OR9Q1: variants seen among roughly 807,000 people sequenced by gnomAD.
OR9Q1 encodes olfactory receptor family 9 subfamily Q member 1.
For synonymous variants in OR9Q1, 153 were observed against 148.6 expected, an observed-to-expected ratio of 1.03 and a Z score of -0.22; for missense variants, 374 against 378.8, an observed-to-expected ratio of 0.99 and a Z score of 0.11.
chr11:58,157,926 T>A (rs1854422972), intron 2 of OR9Q1, among the ~76,000 whole-genome samples: 1 of 152,254 alleles, frequency 6.6e-6, no homozygotes, highest in Admixed American at 6.5e-5. Context: ...CACTCCTTAT[T>A]TGACACCTTC....
intron 1 of OR9Q1, among the ~76,000 whole-genome samples, chr11:58,032,940 G>A (rs917992646): frequency 2.6e-5 from 4 of 152,282 alleles, no homozygotes; most frequent in Non-Finnish European, 2.9e-5. Context: ...TAAAAAGTGG[G>A]TAGAGGACAT....
intron 2 of OR9Q1, among the ~76,000 whole-genome samples, chr11:58,127,219 G>A (rs1335633256): frequency 2.0e-5 from 3 of 152,080 alleles, no homozygotes; most frequent in Non-Finnish European, 4.4e-5. Context: ...AGAAGTGCTG[G>A]GATTACAGGC....
chr11:58,146,973 A>T (rs1854304863), intron 2 of OR9Q1, among the ~76,000 whole-genome samples: 1 of 152,136 alleles, frequency 6.6e-6, no homozygotes, highest in South Asian at 2.1e-4. Flanking sequence ...ATCAGATACG[A>T]ATTTTTAAAA....
At chr11:58,111,224 C>T (rs1853896236) in intron 2 of OR9Q1, among the ~76,000 whole-genome samples, 1 of 152,108 alleles carries the variant, frequency 6.6e-6, no homozygotes, top group Non-Finnish European at 1.5e-5. Flanking sequence ...CTCCTTTAGC[C>T]TAATGGAGGT....
chr11:58,123,728 T>C (rs978828351), intron 2 of OR9Q1, among the ~76,000 whole-genome samples: 1 of 152,196 alleles, frequency 6.6e-6, no homozygotes, highest in Non-Finnish European at 1.5e-5. Flanking sequence ...TATCATGTTC[T>C]CTTTTTAGGG....
intron 2 of OR9Q1, among the ~76,000 whole-genome samples, chr11:58,100,675 T>C (rs1241760308): frequency 6.6e-6 from 1 of 152,186 alleles, no homozygotes; most frequent in Non-Finnish European, 1.5e-5. Flanking sequence ...CTACTGAAAC[T>C]ATTTCTTTCA....
chr11:58,120,127 A>G (rs1360114587), intron 2 of OR9Q1, among the ~76,000 whole-genome samples: 1 of 151,944 alleles, frequency 6.6e-6, no homozygotes, highest in Non-Finnish European at 1.5e-5. Context: ...AATCATCACC[A>G]CCCCAGCTCA....
At chr11:58,060,622 A>G (rs1006234864) in intron 2 of OR9Q1, among the ~76,000 whole-genome samples, 9 of 152,152 alleles carry the variant, frequency 5.9e-5, no homozygotes, top group African/African-American at 1.7e-4. Context: ...TTCAGGAGCT[A>G]TGGTCAGGAG....
chr11:58,137,160 G>T (rs986091010), intron 2 of OR9Q1, among the ~76,000 whole-genome samples: 19 of 152,116 alleles, frequency 1.2e-4, no homozygotes, highest in Admixed American at 1.3e-4. Context: ...TTCCAAAAGA[G>T]ATTTAAAGTG....
chr11:58,130,078 T>G (rs1854126530), intron 2 of OR9Q1, among the ~76,000 whole-genome samples: 1 of 152,192 alleles, frequency 6.6e-6, no homozygotes, highest in Non-Finnish European at 1.5e-5. Flanking sequence ...ATGCTCTTCC[T>G]CGAGTCTGCC....
intron 1 of OR9Q1, among the ~76,000 whole-genome samples, chr11:58,042,349 C>T (rs1853173537): frequency 6.6e-6 from 1 of 152,020 alleles, no homozygotes; most frequent in African/African-American, 2.4e-5. Flanking sequence ...GATCCAGGTT[C>T]AGCTTTCTAC....
intron 2 of OR9Q1, among the ~76,000 whole-genome samples, chr11:58,056,155 T>G (rs973360855): frequency 6.6e-6 from 1 of 152,232 alleles, no homozygotes; most frequent in African/African-American, 2.4e-5. Flanking sequence ...GTCTTTTTGG[T>G]GTTTGCTGAT....
intron 2 of OR9Q1, among the ~76,000 whole-genome samples, chr11:58,070,952 C>T (rs577415302): frequency 7.2e-5 from 11 of 152,200 alleles, no homozygotes; most frequent in South Asian, 2.1e-4. Flanking sequence ...TCATGGCTGA[C>T]GCTGGCCTAG....
chr11:58,156,173 A>G (rs1854405923), intron 2 of OR9Q1, among the ~76,000 whole-genome samples: 1 of 152,116 alleles, frequency 6.6e-6, no homozygotes, highest in Non-Finnish European at 1.5e-5. Flanking sequence ...TCGGCCTCCC[A>G]AAGTGCTAGG....
At chr11:58,099,024 C>A (rs1467663041) in intron 2 of OR9Q1, among the ~76,000 whole-genome samples, 2 of 151,864 alleles carry the variant, frequency 1.3e-5, no homozygotes, top group Non-Finnish European at 2.9e-5. Context: ...TAGTTTCATA[C>A]CATTGTGGTA....
chr11:58,091,124 T>A (rs1449768401), intron 2 of OR9Q1, among the ~76,000 whole-genome samples: 2 of 152,156 alleles, frequency 1.3e-5, no homozygotes, highest in African/African-American at 2.4e-5. Context: ...TTTGAAGGGT[T>A]TTTTGTTTCT....
chr11:58,152,506 A>G (rs1854363502), intron 2 of OR9Q1, among the ~76,000 whole-genome samples: 2 of 152,194 alleles, frequency 1.3e-5, no homozygotes, highest in African/African-American at 4.8e-5. Flanking sequence ...ATTATTAAAG[A>G]ACTTCAGAAT....
chr11:58,146,577 CA>C lies in OR9Q1; in HGVS notation c.-14-32853del, dbSNP rs1392440251. ...TTGGGATATAGATAATCAACCATTG[CA>C]CAGTTAATTAATTAATTATTAATTT... On this transcript the variant is annotated intron_variant, in intron 2 of 2. Coordinates refer to ENST00000335397, the MANE Select transcript of OR9Q1 (RefSeq NM_001005212.4). 1.1e-4 allele frequency among the ~76,000 whole-genome samples: 16 copies of C among 152,130 alleles called. 1 individual carries two copies. The highest frequency in any genetic ancestry group is 3.6e-4 in the African/African-American group (15 of 41,492).
At chr11:58,170,203 T>A (rs1854541404) in intron 2 of OR9Q1, among the ~76,000 whole-genome samples, 1 of 152,132 alleles carries the variant, frequency 6.6e-6, no homozygotes, top group Non-Finnish European at 1.5e-5. Flanking sequence ...AGGACTTGTA[T>A]CATTTACAGA....
Sources: gnomAD v4.1 joint callset for allele counts (sites outside exome capture counted in the v4.1 genomes callset) on GRCh38, gnomAD v4.1.1 for gene constraint, MANE v1.5 for transcripts, NCBI Gene and HGNC (gene_info 2026-07-23, HGNC 2026-07-21) for gene names.